ACTR3C: variants seen among roughly 807,000 people sequenced by gnomAD.
ACTR3C encodes the protein actin-related protein 3C.
Under a neutral mutation model 26.3 loss-of-function variants are expected in ACTR3C, and 18 were observed. The ratio of observed to expected loss-of-function variants is 0.68; its 90% CI spans 0.47 to 1.01. The LOEUF (loss-of-function observed/expected upper bound fraction) is 1.01, where lower values mean the gene tolerates loss of function less well. Among genes scored for constraint, ACTR3C ranks in the 50% least tolerant of loss-of-function variants. The pLI is 0.00. For missense variants in ACTR3C, 184 were observed against 250.7 expected, an observed-to-expected ratio of 0.73 and a Z score of 1.80; for synonymous variants, 55 against 94.5, an observed-to-expected ratio of 0.58 and a Z score of 2.42.
At chr7:149,957,528 A>G in the ACTR3C span, among the ~76,000 whole-genome samples, 10 of 152,066 alleles carry the variant, frequency 6.6e-5, no homozygotes, top group Non-Finnish European at 1.2e-4. Flanking sequence ...GCTCTTGGAC[A>G]TCAGAACTCC....
chr7:149,990,807 A>G, the ACTR3C span, among the ~76,000 whole-genome samples: 2 of 152,148 alleles, frequency 1.3e-5, no homozygotes, highest in South Asian at 4.1e-4. Flanking sequence ...GCCTGTGGAG[A>G]TGGAGTGGGC....
At chr7:150,193,970 TAA>T in the ACTR3C span, among the ~76,000 whole-genome samples, 154 of 145,364 alleles carry the variant, frequency 1.1e-3, 1 homozygote, top group African/African-American at 4.0e-3. Flanking sequence ...TATATATATA[TAA>T]AATACACATA....
At chr7:150,188,234 C>T in the ACTR3C span, among the ~76,000 whole-genome samples, 3 of 152,116 alleles carry the variant, frequency 2.0e-5, no homozygotes, top group Non-Finnish European at 4.4e-5. Flanking sequence ...TTGATTGTGG[C>T]TTTTTTCACT....
the ACTR3C span, among the ~76,000 whole-genome samples, chr7:150,088,662 T>C: frequency 6.6e-6 from 1 of 152,232 alleles, no homozygotes; most frequent in Admixed American, 6.5e-5. Flanking sequence ...TGCTTAGTGA[T>C]AGGTGTTTTT....
At chr7:150,137,724 A>C in the ACTR3C span, among the ~76,000 whole-genome samples, 4 of 152,240 alleles carry the variant, frequency 2.6e-5, no homozygotes, top group South Asian at 8.3e-4. Flanking sequence ...AAAAGTCCCC[A>C]AAATAGAAAA....
downstream of ACTR3C, among the ~76,000 whole-genome samples, chr7:150,243,611 G>A (rs1168123633): frequency 6.6e-6 from 1 of 152,072 alleles, no homozygotes. Flanking sequence ...ATCCACAAAT[G>A]CTCAAGTTCC....
chr7:150,059,251 C>A, the ACTR3C span, among the ~76,000 whole-genome samples: 6 of 152,196 alleles, frequency 3.9e-5, no homozygotes, highest in African/African-American at 1.2e-4. Flanking sequence ...CCGAGAGGGC[C>A]AATCAGTTGT....
At chr7:149,957,256 T>C in the ACTR3C span, among the ~76,000 whole-genome samples, 7 of 151,976 alleles carry the variant, frequency 4.6e-5, no homozygotes, top group African/African-American at 1.7e-4. Flanking sequence ...TGTGGTGCCC[T>C]CCGCACAGGA....
chr7:150,191,706 TC>T, the ACTR3C span, among the ~76,000 whole-genome samples: 2 of 152,172 alleles, frequency 1.3e-5, no homozygotes, highest in African/African-American at 2.4e-5. Context: ...TTATTTCTTT[TC>T]CTGACTTCTC....
the ACTR3C span, among the ~76,000 whole-genome samples, chr7:149,954,584 T>A: frequency 0.081 from 11,597 of 143,092 alleles, 1,295 homozygotes; most frequent in African/African-American, 0.26. Flanking sequence ...ATGCCAACTA[T>A]ATTCCAGTTT....
chr7:150,125,430 T>TC, the ACTR3C span, among the ~76,000 whole-genome samples: 8 of 148,498 alleles, frequency 5.4e-5, no homozygotes, highest in Non-Finnish European at 1.2e-4. Flanking sequence ...TAATAGAGAG[T>TC]CTAGAAAATC....
the ACTR3C span, among the ~76,000 whole-genome samples, chr7:150,232,709 G>A: frequency 3.4e-5 from 5 of 148,464 alleles, no homozygotes; most frequent in Non-Finnish European, 7.4e-5. Context: ...TGTAATCCCA[G>A]CTACATGGGA....
the ACTR3C span, among the ~76,000 whole-genome samples, chr7:150,101,315 A>AAAG: frequency 2.6e-5 from 4 of 151,716 alleles, no homozygotes; most frequent in Non-Finnish European, 5.9e-5. Flanking sequence ...ATAGTCAACA[A>AAAG]TTCTAGATAT....
the ACTR3C span, among the ~76,000 whole-genome samples, chr7:150,042,432 C>G: frequency 1.3e-5 from 2 of 149,398 alleles, no homozygotes; most frequent in Admixed American, 1.3e-4. Context: ...GGGGTGCCTC[C>G]TCCCCTGTGA....
At chr7:150,039,826 T>TCC in the ACTR3C span, among the ~76,000 whole-genome samples, 1 of 121,560 alleles carries the variant, frequency 8.2e-6, no homozygotes, top group African/African-American at 3.1e-5. Flanking sequence ...GGGGGGTGCC[T>TCC]CCGCCCCCAG....
At chr7:150,013,999 C>A in the ACTR3C span, among the ~76,000 whole-genome samples, 2 of 152,156 alleles carry the variant, frequency 1.3e-5, no homozygotes, top group African/African-American at 4.8e-5. Context: ...ACCTGAGTGG[C>A]TGGGATATTT....
At chr7:150,019,701 G>C in the ACTR3C span, among the ~76,000 whole-genome samples, 1 of 151,612 alleles carries the variant, frequency 6.6e-6, no homozygotes, top group Non-Finnish European at 1.5e-5. Context: ...TTTGAAATGA[G>C]GAGTTTTTCA....
At chr7:149,946,561 T>C in the ACTR3C span, among the ~76,000 whole-genome samples, 1 of 152,192 alleles carries the variant, frequency 6.6e-6, no homozygotes, top group Non-Finnish European at 1.5e-5. Flanking sequence ...CATCCTTGGC[T>C]GTTTCCAGGG....
chr7:150,270,814 C>G (rs1228546307), intron 6 of ACTR3C, among the ~76,000 whole-genome samples: 2 of 151,840 alleles, frequency 1.3e-5, no homozygotes, highest in African/African-American at 4.9e-5. Flanking sequence ...TCTAGCTGCC[C>G]ATCACATGTC....
Sources: allele counts gnomAD v4.1 joint callset (sites outside exome capture counted in the v4.1 genomes callset), GRCh38; gene constraint gnomAD v4.1.1; transcripts MANE v1.5; gene names NCBI Gene and HGNC (gene_info 2026-07-23, HGNC 2026-07-21).